The following SMURF2 variants were observed in gnomAD, a reference collection of about 807,000 sequenced individuals.
SMURF2 encodes E3 ubiquitin-protein ligase SMURF2.
In SMURF2, 48 loss-of-function variants were observed where a neutral mutation model predicts 109.6. That is an observed-to-expected ratio of 0.44 (90% CI 0.35 to 0.56). The LOEUF (loss-of-function observed/expected upper bound fraction) is 0.56, where lower values mean the gene tolerates loss of function less well. SMURF2 is among the 20% of genes least tolerant of loss of function. The probability of loss-of-function intolerance (pLI) is 0.01; values close to 1 mark genes in which losing one functional copy is unlikely to be tolerated. For synonymous variants in SMURF2, 288 were observed against 317.1 expected (o/e 0.91, Z 0.97); for missense variants, 575 against 909.0 (o/e 0.63, Z 4.72).
At position 64,569,990 on chromosome 17, in the gene SMURF2, T is replaced by G. The variant is rs373050912; in HGVS notation, c.1016+1808A>C. ...TAGGGCTTTCAAATACTTGCGACCT[T>G]CATTTGTAAGCAAGGTTTTAGAATC... On this transcript the variant is annotated intron_variant, in intron 10 of 18. Coordinates refer to ENST00000262435, the MANE Select transcript of SMURF2 (RefSeq NM_022739.4). Among the ~76,000 whole-genome samples, 23 of 152,314 alleles carry G rather than the reference T, an allele frequency of 1.5e-4. 1 individual carries two copies. Among genetic ancestry groups the G allele is most frequent in the African/African-American group, 5.5e-4 (23 of 41,564 alleles).
At chr17:64,606,820 T>G (rs782362626) in intron 1 of SMURF2, among the ~76,000 whole-genome samples, 180 bp from the exon 2 acceptor site, 6 of 152,146 alleles carry the variant, frequency 3.9e-5, no homozygotes, top group South Asian at 2.1e-4. Flanking sequence ...TGGTTGCAAC[T>G]TTCAATGATC....
rs558961669 is a variant in SMURF2 at position 64,600,756 on chromosome 17, T to C, written c.92-2266A>G. Among the ~76,000 whole-genome samples the C allele has an allele frequency of 9.9e-5, 15 of 152,246 alleles. No individual in the cohort carries two copies. The East Asian group carries it at 2.9e-3, about 29-fold the overall frequency. ...TGTTTTTACCTCCACCCTCAATAAA[T>C]GAAGATTTCCTCCTGGGAAGAATTC... On this transcript the variant is annotated intron_variant, in intron 2 of 18. Coordinates refer to ENST00000262435, the MANE Select transcript of SMURF2 (RefSeq NM_022739.4).
intron 16 of SMURF2, among the ~76,000 whole-genome samples, chr17:64,550,040 C>G (rs1555683471): frequency 2.6e-5 from 4 of 152,228 alleles, no homozygotes; most frequent in African/African-American, 7.2e-5. Flanking sequence ...AAGGCCAAAT[C>G]CTCGTTTATT....
chr17:64,605,507 G>C (rs1969956678), intron 2 of SMURF2, among the ~76,000 whole-genome samples: 1 of 151,502 alleles, frequency 6.6e-6, no homozygotes, highest in Non-Finnish European at 1.5e-5. Context: ...AGGATCACTT[G>C]AGACCAGGAG....
chr17:64,561,512 C>A lies in SMURF2; in HGVS notation c.1304G>T (p.Gly435Val). 6.2e-7 allele frequency: 1 copy of A among 1,613,264 alleles called. No homozygotes were observed. ...AGCAAGTCCATACCTGGCAACGCCT[C>A]CATAGTCAAGGCCTTCTTCTCCACG... is the stretch of plus-strand genomic sequence containing the variant. ...KFRGEEGLDY[G>V]GVAREWLYLL... Residue 435 changes from glycine (G) to valine (V), a missense_variant, in exon 12 of 19, where the codon GGA becomes GTA. Physicochemically the swap from Gly to Val is moderately radical, Grantham distance 109. Around this residue, in one of 5 missense-constraint regions of SMURF2, gnomAD observed 361 missense variants for 612.1 expected, o/e 0.59. Coordinates refer to ENST00000262435, the MANE Select transcript of SMURF2 (RefSeq NM_022739.4).
At chr17:64,613,644 C>G (rs1363835172) in intron 1 of SMURF2, among the ~76,000 whole-genome samples, 1 of 130,142 alleles carries the variant, frequency 7.7e-6, no homozygotes, top group Non-Finnish European at 1.6e-5. Flanking sequence ...CAGGGATTGG[C>G]TTCATGGAAG....
intron 1 of SMURF2, among the ~76,000 whole-genome samples, chr17:64,640,699 T>C (rs1237795390): frequency 6.6e-6 from 1 of 152,006 alleles, no homozygotes; most frequent in African/African-American, 2.4e-5. Context: ...GGCAGGCAGA[T>C]CACGAGGTCA....
In SMURF2 at chr17:64,605,744, A is replaced by AATATATATATATATATAT. The variant is rs71158333; in HGVS notation, c.91+840_91+857dup. Reference sequence around the variant, plus strand: ...AGGGCAAGATCCTGTCTCTAAAAAGAATATATATATATATATATATATATA... The same window carrying AATATATATATATATATAT: ...AGGGCAAGATCCTGTCTCTAAAAAGAATATATATATATATATATATATATATATATATATATATATATA... On this transcript the variant is annotated intron_variant, in intron 2 of 18. Transcript: ENST00000262435. Among the ~76,000 whole-genome samples, 298 of 99,024 alleles carry AATATATATATATATATAT rather than the reference A, an allele frequency of 3.0e-3. 3 individuals are homozygous for AATATATATATATATATAT. Among genetic ancestry groups the AATATATATATATATATAT allele is most frequent in the African/African-American group, 3.9e-3 (98 of 24,932 alleles). 65.0% of individuals were successfully genotyped at this position (99,024 alleles called of 152,430 possible).
chr17:64,558,512 A>C (rs1201370440), intron 12 of SMURF2, among the ~76,000 whole-genome samples: 5 of 152,158 alleles, frequency 3.3e-5, no homozygotes, highest in African/African-American at 9.7e-5. Flanking sequence ...ACAAGGCTAT[A>C]TTTTGTTGTA....
chr17:64,557,546 A>T (rs2144597495), intron 13 of SMURF2, 62 bp downstream of exon 13: 2 of 1,095,570 alleles, frequency 1.8e-6, no homozygotes, highest in African/African-American at 1.6e-5. Context: ...AATAAACTAC[A>T]TTAACATGTA....
In SMURF2 at chr17:64,543,494, G is replaced by A. The variant is rs1378568832; in HGVS notation, c.*2354C>T. On this transcript the variant is annotated 3_prime_UTR_variant, in exon 19 of 19. Coordinates refer to ENST00000262435, the MANE Select transcript of SMURF2 (RefSeq NM_022739.4). Reference sequence around the variant, plus strand: ...TCACCACGTTGGCCAGGCTGGTCTCGAACTCCTGACCTCAGGTGATCCGCC... The same window carrying A: ...TCACCACGTTGGCCAGGCTGGTCTCAAACTCCTGACCTCAGGTGATCCGCC... The A allele has an allele frequency of 1.3e-5, 2 of 151,824 alleles. No homozygotes were observed. Among genetic ancestry groups the A allele is most frequent in the Non-Finnish European group, 1.5e-5 (1 of 67,936 alleles). 9.4% of individuals were successfully genotyped at this position (151,824 alleles called of 1,614,324 possible). A position where few individuals can be genotyped will look rare whatever the true frequency, so the allele number is the denominator to read the frequency against.
At chr17:64,612,256 G>A (rs1201357184) in intron 1 of SMURF2, among the ~76,000 whole-genome samples, 3 of 152,052 alleles carry the variant, frequency 2.0e-5, no homozygotes, top group African/African-American at 4.8e-5. Context: ...CCTGGCACTT[G>A]ATAGGTACTC....
rs550980137 is a variant in SMURF2, at chr17:64,651,168, G to A, written c.52+10661C>T. Among the ~76,000 whole-genome samples, 19 of 152,190 alleles carry A rather than the reference G, an allele frequency of 1.2e-4. No homozygotes were observed. The South Asian group carries it at 3.9e-3, about 32-fold the overall frequency. Reference sequence around the variant, plus strand: ...GCTGAGATCGCGCCATTGCACTCCAGCCTGGGCGACATAGCAAGGCTGTCT... The same window carrying A: ...GCTGAGATCGCGCCATTGCACTCCAACCTGGGCGACATAGCAAGGCTGTCT... On this transcript the variant is annotated intron_variant, in intron 1 of 18. Transcript: ENST00000262435.
intron 1 of SMURF2, among the ~76,000 whole-genome samples, chr17:64,654,729 T>C (rs1172104019): frequency 1.3e-5 from 2 of 152,146 alleles, no homozygotes; most frequent in Non-Finnish European, 1.5e-5. Flanking sequence ...TTCAGGAGGC[T>C]GAGGCAGGAG....
At position 64,567,998 on chromosome 17, in the gene SMURF2, C is replaced by T. The variant is rs146549849; in HGVS notation, c.1016+3800G>A. On this transcript the variant is annotated intron_variant, in intron 10 of 18. Transcript: ENST00000262435. ...CCTCCCGAGTAGCTGGGACTACAGG[C>T]GTGCACCACCACACCCAGCTAATTT... Among the ~76,000 whole-genome samples, 210 of 152,116 alleles carry T rather than the reference C, an allele frequency of 1.4e-3. 7 individuals are homozygous for T. In the East Asian group the frequency reaches 0.03, roughly 22 times the overall value.
At position 64,598,388 on chromosome 17, in the gene SMURF2, T is replaced by C. The variant is rs1969846668; in HGVS notation, c.194A>G (p.Tyr65Cys). Residue 65 changes from tyrosine (Y) to cysteine (C), a missense_variant, in exon 3 of 19, where the codon TAT (tyrosine) becomes TGT (cysteine). Tyr to Cys is a radical substitution (Grantham distance 194). This residue lies in a region of SMURF2 where 33 missense variants were observed against 66.0 expected (regional missense o/e 0.50). Transcript: ENST00000262435. ...NTLDPKWNQH[Y>C]DLYIGKSDSV... ...ACTAATTGTTGAAACCTACAGGTCA[T>C]AATGCTGATTCCACTTTGGATCAAG... The C allele has an allele frequency of 1.2e-6, 2 of 1,600,106 alleles. No homozygotes were observed. The highest frequency in any genetic ancestry group is 1.7e-6 in the Non-Finnish European group (2 of 1,173,792).
At position 64,542,847 on chromosome 17, in the gene SMURF2, C is replaced by G. The variant is rs1968893567; in HGVS notation, c.*3001G>C. The G allele has an allele frequency of 6.6e-6, 1 of 152,166 alleles. No homozygotes were observed. The highest frequency in any genetic ancestry group is 2.1e-4 in the South Asian group (1 of 4,826). 9.4% of individuals were successfully genotyped at this position (152,166 alleles called of 1,614,324 possible). A position where few individuals can be genotyped will look rare whatever the true frequency, so the allele number is the denominator to read the frequency against. ...TTGGTAAAAAACCCATTCGGGGCAA[C>G]AAACTATGTGCAAAACAAAATGTAC... On this transcript the variant is annotated 3_prime_UTR_variant, in exon 19 of 19. Transcript: ENST00000262435.
At chr17:64,639,988 C>A (rs148651693) in intron 1 of SMURF2, among the ~76,000 whole-genome samples, 1 of 152,158 alleles carries the variant, frequency 6.6e-6, no homozygotes, top group Non-Finnish European at 1.5e-5. Flanking sequence ...AACAAATATA[C>A]CATACTAATG....
intron 15 of SMURF2, among the ~76,000 whole-genome samples, chr17:64,554,556 C>A (rs1220053277): frequency 6.6e-6 from 1 of 152,118 alleles, no homozygotes; most frequent in Non-Finnish European, 1.5e-5. Flanking sequence ...AACAGCCATG[C>A]CAGCTAGCCC....
Sources: allele counts gnomAD v4.1 joint callset (sites outside exome capture counted in the v4.1 genomes callset), GRCh38; gene constraint gnomAD v4.1.1; regional missense constraint gnomAD v4.1.1; transcripts MANE v1.5; gene names NCBI Gene and HGNC (gene_info 2026-07-23, HGNC 2026-07-21).